Variants in KHDRBS2 observed in about 807,000 individuals in gnomAD.
KHDRBS2 encodes the protein KH domain-containing, RNA-binding, signal transduction-associated protein 2.
KHDRBS2 carries 26 observed loss-of-function variants against 44.3 expected under a neutral mutation model. That is an observed-to-expected ratio of 0.59 (90% CI 0.43 to 0.81). KHDRBS2 has a LOEUF of 0.81. KHDRBS2 is among the 40% of genes least tolerant of loss of function. The pLI, the probability that KHDRBS2 is intolerant of heterozygous loss-of-function variation, is 0.00. For synonymous variants in KHDRBS2, 194 were observed against 151.1 expected (o/e 1.28, Z -2.08); for missense variants, 476 against 433.1 (o/e 1.10, Z -0.88).
At chr6:62,262,340 T>C (rs1380888500) in intron 1 of KHDRBS2, among the ~76,000 whole-genome samples, 1 of 151,758 alleles carries the variant, frequency 6.6e-6, no homozygotes, top group African/African-American at 2.4e-5. Context: ...GCACTTGACC[T>C]CACCGATTGC....
chr6:61,888,292 C>G (rs1317660826), intron 6 of KHDRBS2, among the ~76,000 whole-genome samples: 1 of 152,076 alleles, frequency 6.6e-6, no homozygotes, highest in Non-Finnish European at 1.5e-5. Context: ...TAGAGGTGAC[C>G]GATTAGTGCT....
chr6:61,833,556 C>G (rs1792167941), intron 6 of KHDRBS2, among the ~76,000 whole-genome samples: 1 of 152,104 alleles, frequency 6.6e-6, no homozygotes. Context: ...ATTTGGAAGA[C>G]ATTTGGTCGT....
chr6:62,045,949 CAAA>C (rs11397447), intron 3 of KHDRBS2, among the ~76,000 whole-genome samples: 1 of 133,468 alleles, frequency 7.5e-6, no homozygotes, highest in Non-Finnish European at 1.6e-5. Flanking sequence ...GCAAGTGGAA[CAAA>C]AAAAAAAAAG....
At position 61,908,026 on chromosome 6, in the gene KHDRBS2, T is replaced by C. The variant is rs1355206337; in HGVS notation, c.484-6655A>G. The stretch of plus-strand genomic sequence containing the variant: ...TAAGATTTGGGAGTCATACAACACA[T>C]ATGAATGAGTGGTTATAGTTTTATA... On this transcript the variant is annotated intron_variant, in intron 4 of 8. Transcript: ENST00000281156. Among the ~76,000 whole-genome samples, 10 of 152,316 alleles carry C rather than the reference T, an allele frequency of 6.6e-5. No individual in the cohort carries two copies. In the South Asian group the frequency reaches 1.9e-3, roughly 28 times the overall value.
At chr6:61,652,895 C>T in the KHDRBS2 span, among the ~76,000 whole-genome samples, 5 of 152,038 alleles carry the variant, frequency 3.3e-5, no homozygotes, top group African/African-American at 4.8e-5. Context: ...GTGAACATGC[C>T]GTGAGGAGAT....
the KHDRBS2 span, among the ~76,000 whole-genome samples, chr6:61,606,335 C>T: frequency 1.3e-5 from 2 of 152,122 alleles, no homozygotes; most frequent in Non-Finnish European, 2.9e-5. Context: ...ACTTCAGCTT[C>T]CAGAAGAGCA....
At chr6:62,003,081 C>T (rs1778563002) in intron 3 of KHDRBS2, among the ~76,000 whole-genome samples, 1 of 151,832 alleles carries the variant, frequency 6.6e-6, no homozygotes, top group African/African-American at 2.4e-5. Context: ...GATTATCTAA[C>T]TCATTTTTCT....
chr6:62,208,373 G>C (rs1198503710), intron 1 of KHDRBS2, among the ~76,000 whole-genome samples: 2 of 151,940 alleles, frequency 1.3e-5, no homozygotes, highest in Non-Finnish European at 2.9e-5. Flanking sequence ...GGGACTACAG[G>C]GCACACCATC....
At chr6:61,984,869 TA>T (rs773475544) in intron 3 of KHDRBS2, among the ~76,000 whole-genome samples, 1 of 152,172 alleles carries the variant, frequency 6.6e-6, no homozygotes, top group East Asian at 1.9e-4. Context: ...CATTTTAAGA[TA>T]AAAAAACTAC....
At chr6:61,817,960 G>A (rs1789249748) in intron 6 of KHDRBS2, among the ~76,000 whole-genome samples, 1 of 151,954 alleles carries the variant, frequency 6.6e-6, no homozygotes, top group Non-Finnish European at 1.5e-5. Context: ...TCTGTATTTT[G>A]ATCGACAACT....
chr6:61,957,435 C>G (rs1368214614), intron 4 of KHDRBS2, among the ~76,000 whole-genome samples: 2 of 152,152 alleles, frequency 1.3e-5, no homozygotes, highest in Non-Finnish European at 2.9e-5. Context: ...TTGCTGAATT[C>G]TTTTTCTCAG....
At position 61,954,818 on chromosome 6, in the gene KHDRBS2, G is replaced by A. The variant is rs765326609; in HGVS notation, c.483+23248C>T. Among the ~76,000 whole-genome samples, 9 of 65,260 alleles carry A rather than the reference G, an allele frequency of 1.4e-4. 1 individual carries two copies. Among genetic ancestry groups the A allele is most frequent in the South Asian group, 1.1e-3 (2 of 1,892 alleles). The allele number at this position is 65,260 out of a possible 152,430, so 42.8% of individuals were successfully genotyped here. On this transcript the variant is annotated intron_variant, in intron 4 of 8. Transcript: ENST00000281156. Reference sequence around the variant, plus strand: ...CATATGTATGTATACATACGCATGTGTATATACACATGCATATGTATGTAT... The same window carrying A: ...CATATGTATGTATACATACGCATGTATATATACACATGCATATGTATGTAT...
intron 2 of KHDRBS2, among the ~76,000 whole-genome samples, chr6:62,160,689 G>A (rs141345528): frequency 6.6e-6 from 1 of 152,188 alleles, no homozygotes; most frequent in African/African-American, 2.4e-5. Flanking sequence ...TGACGACCTA[G>A]GCCAGGTAAT....
chr6:61,596,910 A>C, the KHDRBS2 span, among the ~76,000 whole-genome samples: 1 of 152,126 alleles, frequency 6.6e-6, no homozygotes, highest in African/African-American at 2.4e-5. Context: ...TCAACCTCCC[A>C]AAGTGCTGGA....
At chr6:62,250,096 C>A (rs184368063) in intron 1 of KHDRBS2, among the ~76,000 whole-genome samples, 116 of 152,136 alleles carry the variant, frequency 7.6e-4, no homozygotes, top group Middle Eastern at 3.4e-3. Flanking sequence ...CAATAGTCTG[C>A]TATCCAGAAA....
chr6:62,133,851 A>G (rs1810900140), intron 2 of KHDRBS2, among the ~76,000 whole-genome samples: 2 of 152,202 alleles, frequency 1.3e-5, no homozygotes, highest in South Asian at 4.1e-4. Context: ...TCTGGCCTAG[A>G]GATCTGAACT....
At chr6:61,895,105 C>T (rs747228021) in intron 5 of KHDRBS2, among the ~76,000 whole-genome samples, 21 of 146,358 alleles carry the variant, frequency 1.4e-4, no homozygotes, top group Middle Eastern at 3.5e-3. Context: ...TTTTATATAA[C>T]TAAAAACCCA....
chr6:61,802,496 A>G (rs1786440392), intron 6 of KHDRBS2, among the ~76,000 whole-genome samples: 1 of 152,164 alleles, frequency 6.6e-6, no homozygotes, highest in African/African-American at 2.4e-5. Context: ...TAATGTTTTC[A>G]TATTATGGCA....
At chr6:61,893,565 A>AGCCAT (rs935690251) in intron 6 of KHDRBS2, among the ~76,000 whole-genome samples, 2 of 152,210 alleles carry the variant, frequency 1.3e-5, no homozygotes, top group African/African-American at 4.8e-5. Context: ...AATACTATGC[A>AGCCAT]GCCATAAAAA....
Sources: allele counts gnomAD v4.1 joint callset (sites outside exome capture counted in the v4.1 genomes callset), GRCh38; gene constraint gnomAD v4.1.1; transcripts MANE v1.5; gene names NCBI Gene and HGNC (gene_info 2026-07-23, HGNC 2026-07-21).